The following TXK variants were observed in gnomAD, a reference collection of about 807,000 sequenced individuals.
The protein encoded by TXK is TXK tyrosine kinase.
Under a neutral mutation model 81.0 loss-of-function variants are expected in TXK, and 60 were observed. That is an observed-to-expected ratio of 0.74 (90% CI 0.60 to 0.92). TXK has a LOEUF of 0.92. Among genes scored for constraint, TXK ranks in the 40% least tolerant of loss-of-function variants. TXK has a pLI of 0.00. For missense variants in TXK, 581 were observed against 638.3 expected (o/e 0.91, Z 0.97); for synonymous variants, 203 against 210.7 (o/e 0.96, Z 0.32).
At chr4:48,075,148 C>T (rs897250781) in intron 12 of TXK, among the ~76,000 whole-genome samples, 2 of 152,072 alleles carry the variant, frequency 1.3e-5, no homozygotes, top group African/African-American at 2.4e-5. Context: ...GGTTAGGGTC[C>T]TGTATCTTGT....
intron 10 of TXK, among the ~76,000 whole-genome samples, chr4:48,085,912 C>G (rs1428782451): frequency 1.3e-5 from 2 of 152,184 alleles, no homozygotes; most frequent in African/African-American, 4.8e-5. Flanking sequence ...CTGATTCTTC[C>G]TGGATGCCAT....
intron 1 of TXK, among the ~76,000 whole-genome samples, chr4:48,114,889 T>G (rs1402552019): frequency 1.3e-5 from 2 of 152,152 alleles, no homozygotes; most frequent in Admixed American, 1.3e-4. Context: ...TAATTAAAAA[T>G]TGTTCTAAAC....
intron 1 of TXK, among the ~76,000 whole-genome samples, chr4:48,121,544 T>C (rs1329036943): frequency 6.6e-6 from 1 of 152,204 alleles, no homozygotes; most frequent in Non-Finnish European, 1.5e-5. Flanking sequence ...AAGATCCTTA[T>C]ATAAAATGAC....
intron 10 of TXK, among the ~76,000 whole-genome samples, chr4:48,085,965 C>T (rs565722613): frequency 1.8e-4 from 27 of 152,326 alleles, no homozygotes; most frequent in South Asian, 4.1e-4. Context: ...AAAAGGCTGT[C>T]ACCCTGACTT....
intron 2 of TXK, among the ~76,000 whole-genome samples, chr4:48,114,118 G>A (rs116307047): frequency 0.011 from 1,746 of 152,200 alleles, 32 homozygotes; most frequent in African/African-American, 0.04. Flanking sequence ...TGCCGCACAC[G>A]GTGGGAATGC....
At chr4:48,097,748 ATTTTTTT>A (rs564793266) in intron 6 of TXK, among the ~76,000 whole-genome samples, 1 of 114,390 alleles carries the variant, frequency 8.7e-6, no homozygotes, top group Non-Finnish European at 1.9e-5. Context: ...AAGCTACCAC[ATTTTTTT>A]TTTTTTTTTT....
chr4:48,112,569 A>C, intron 3 of TXK, 57 bp from the exon 4 acceptor site: 5 of 1,516,014 alleles, frequency 3.3e-6, no homozygotes, highest in African/African-American at 1.4e-5. Flanking sequence ...TGTACTAAAA[A>C]ATATAGGGAC....
chr4:48,089,094 C>G (rs1267488580), intron 9 of TXK, among the ~76,000 whole-genome samples: 2 of 152,138 alleles, frequency 1.3e-5, no homozygotes, highest in East Asian at 3.9e-4. Context: ...TTAGTAGCTT[C>G]TCTTGGAGAG....
intron 5 of TXK, among the ~76,000 whole-genome samples, chr4:48,105,479 A>G (rs548193470): frequency 1.3e-5 from 2 of 152,266 alleles, no homozygotes; most frequent in South Asian, 4.1e-4. Flanking sequence ...TAACAGGGGG[A>G]ACACATAGCC....
chr4:48,071,952 T>C (rs1716875867), intron 13 of TXK, among the ~76,000 whole-genome samples: 1 of 77,342 alleles, frequency 1.3e-5, no homozygotes, highest in South Asian at 4.6e-4. Context: ...TAGCATTTTC[T>C]TTTCTTTTTT....
chr4:48,111,008 C>T lies in TXK; in HGVS notation c.381-405G>A, dbSNP rs555882628. Among the ~76,000 whole-genome samples the T allele has an allele frequency of 2.6e-5, 4 of 152,306 alleles. No homozygotes were observed. In the South Asian group the frequency reaches 8.3e-4, roughly 32 times the overall value. On this transcript the variant is annotated intron_variant, in intron 4 of 14. Transcript: ENST00000264316. The stretch of plus-strand genomic sequence containing the variant: ...TTAGCTACTTTGCTAGTAGAAGCAA[C>T]GCTGTAAAGAAATCCTTGAACACGC...
chr4:48,097,147 G>A (rs997005863), intron 6 of TXK, among the ~76,000 whole-genome samples: 17 of 151,952 alleles, frequency 1.1e-4, no homozygotes, highest in Admixed American at 5.2e-4. Flanking sequence ...AAATCTGGTT[G>A]CTTAGGGAAA....
chr4:48,074,098 G>T, intron 12 of TXK, 45 bp from the exon 13 acceptor site: 1 of 1,421,636 alleles, frequency 7.0e-7, no homozygotes, highest in Non-Finnish European at 9.9e-7. Context: ...TTACCTCCAA[G>T]CTCTATTTAC....
intron 14 of TXK, 96 bp downstream of exon 14, chr4:48,071,421 T>A: frequency 7.9e-7 from 1 of 1,273,440 alleles, no homozygotes; most frequent in South Asian, 1.4e-5. Flanking sequence ...TGCCTTTTCC[T>A]GCCATGACAG....
intron 1 of TXK, among the ~76,000 whole-genome samples, chr4:48,127,882 T>C (rs549571034): frequency 2.5e-4 from 38 of 152,324 alleles, no homozygotes; most frequent in Non-Finnish European, 4.7e-4. Flanking sequence ...GAGGCTCCTA[T>C]TGACATTCCT....
intron 1 of TXK, among the ~76,000 whole-genome samples, chr4:48,129,164 C>T (rs745588506): frequency 6.6e-6 from 1 of 152,142 alleles, no homozygotes; most frequent in East Asian, 1.9e-4. Flanking sequence ...TGAGTTTATG[C>T]CCTTTATACA....
In TXK at chr4:48,074,025, A is replaced by C. The variant is rs774181215; in HGVS notation, c.1267T>G (p.Ser423Ala). The change falls in exon 13 of 15, where the codon TCT becomes GCT. Residue 423 changes from serine to alanine, a missense_variant. Physicochemically the swap from Ser to Ala is moderately conservative, Grantham distance 99. Coordinates refer to ENST00000264316, the MANE Select transcript of TXK (RefSeq NM_003328.3). ...TTGATTGGGAACTTGGCTCCAAAAG[A>C]ACTGACATACTCATCATCCAAAACG... The part of the protein sequence containing the change: ...RYVLDDEYVS[S>A]FGAKFPIKWS... The C allele has an allele frequency of 5.0e-5, 80 of 1,613,832 alleles. No individual in the cohort carries two copies. Among genetic ancestry groups the C allele is most frequent in the Non-Finnish European group, 8.5e-7 (1 of 1,179,882 alleles).
chr4:48,108,169 T>C (rs1315435327), intron 5 of TXK, among the ~76,000 whole-genome samples: 1 of 152,172 alleles, frequency 6.6e-6, no homozygotes, highest in African/African-American at 2.4e-5. Flanking sequence ...TCCATAACTG[T>C]ATATTTCAGG....
intron 13 of TXK, among the ~76,000 whole-genome samples, chr4:48,073,034 C>T (rs948350824): frequency 2.0e-5 from 3 of 152,086 alleles, no homozygotes; most frequent in Non-Finnish European, 4.4e-5. Context: ...AAGCAATCCT[C>T]CTGCCTCAGC....
Sources: allele counts gnomAD v4.1 joint callset (sites outside exome capture counted in the v4.1 genomes callset), GRCh38; gene constraint gnomAD v4.1.1; transcripts MANE v1.5; gene names NCBI Gene and HGNC (gene_info 2026-07-23, HGNC 2026-07-21).